UBE2G1: variants seen among roughly 807,000 people sequenced by gnomAD.
UBE2G1 encodes the protein ubiquitin-conjugating enzyme E2 G1.
UBE2G1 carries 5 observed loss-of-function variants against 22.7 expected under a neutral mutation model. The ratio of observed to expected loss-of-function variants is 0.22; its 90% CI spans 0.12 to 0.46. The LOEUF (loss-of-function observed/expected upper bound fraction) is 0.46. UBE2G1 is among the 20% of genes least tolerant of loss of function. UBE2G1 has a pLI of 0.99. For missense variants in UBE2G1, 88 were observed against 203.9 expected (o/e 0.43, Z 3.46); for synonymous variants, 74 against 67.5 (o/e 1.10, Z -0.47).
intron 1 of UBE2G1, among the ~76,000 whole-genome samples, chr17:4,324,849 G>GCA (rs1567523697): frequency 9.9e-5 from 15 of 152,130 alleles, no homozygotes; most frequent in African/African-American, 3.4e-4. Flanking sequence ...AGGCCAAGAT[G>GCA]GGCGGATCAC....
At chr17:4,289,445 C>T in intron 3 of UBE2G1, 37 bp from the exon 4 acceptor site, 2 of 1,469,630 alleles carry the variant, frequency 1.4e-6, no homozygotes, top group Non-Finnish European at 1.8e-6. Context: ...TCATATATTA[C>T]TAATTTGGTT....
intron 1 of UBE2G1, among the ~76,000 whole-genome samples, chr17:4,331,197 A>C (rs1969573496): frequency 6.6e-6 from 1 of 152,236 alleles, no homozygotes; most frequent in African/African-American, 2.4e-5. Flanking sequence ...AGTAATATTT[A>C]TGAAGAACCT....
At chr17:4,325,653 T>A (rs1172643150) in intron 1 of UBE2G1, among the ~76,000 whole-genome samples, 1 of 152,118 alleles carries the variant, frequency 6.6e-6, no homozygotes, top group African/African-American at 2.4e-5. Context: ...CACCCCAAAT[T>A]GCCGAAACAT....
intron 2 of UBE2G1, among the ~76,000 whole-genome samples, chr17:4,303,014 T>C (rs1969203208): frequency 6.6e-6 from 1 of 152,180 alleles, no homozygotes; most frequent in Non-Finnish European, 1.5e-5. Context: ...TCTTTTGAGA[T>C]TGTCTTCATT....
intron 1 of UBE2G1, among the ~76,000 whole-genome samples, chr17:4,364,009 A>G (rs1970000458): frequency 6.7e-6 from 1 of 150,038 alleles, no homozygotes; most frequent in East Asian, 2.0e-4. Flanking sequence ...TCACGCCTGT[A>G]ATCCCAATAC....
intron 2 of UBE2G1, among the ~76,000 whole-genome samples, chr17:4,300,090 T>TG (rs926110357): frequency 5.3e-5 from 8 of 150,638 alleles, no homozygotes; most frequent in African/African-American, 2.0e-4. Context: ...CTACCTGCTT[T>TG]TTTTTTTTGA....
At chr17:4,306,921 A>G in intron 2 of UBE2G1, 100 bp downstream of exon 2, 1 of 1,056,924 alleles carries the variant, frequency 9.5e-7, no homozygotes, top group Non-Finnish European at 1.4e-6. Flanking sequence ...AAGTGCTGGG[A>G]TTACAGGTGT....
chr17:4,362,041 A>C (rs1351680095), intron 1 of UBE2G1, among the ~76,000 whole-genome samples: 2 of 151,912 alleles, frequency 1.3e-5, no homozygotes, highest in Non-Finnish European at 2.9e-5. Flanking sequence ...GGGTGAAAAG[A>C]CTATGTTTTT....
intron 1 of UBE2G1, among the ~76,000 whole-genome samples, chr17:4,329,970 A>G (rs1472603639): frequency 6.6e-6 from 1 of 152,162 alleles, no homozygotes. Flanking sequence ...ATGACTCACC[A>G]GGAGAAAGCT....
At position 4,314,094 on chromosome 17, in the gene UBE2G1, T is replaced by C. The variant is rs574924820; in HGVS notation, c.47-6971A>G. Among the ~76,000 whole-genome samples the C allele has an allele frequency of 4.5e-4, 69 of 152,326 alleles. No individual in the cohort carries two copies. The South Asian group carries it at 0.014, about 32-fold the overall frequency. On this transcript the variant is annotated intron_variant, in intron 1 of 5. Transcript: ENST00000396981. ...AATGACATTGCTTTCAAATATATAG[T>C]TCTCAGATCTATCCACTGAAAAGGT... is the stretch of plus-strand genomic sequence containing the variant.
chr17:4,343,867 G>A (rs949963824), intron 1 of UBE2G1, among the ~76,000 whole-genome samples: 14 of 152,088 alleles, frequency 9.2e-5, no homozygotes, highest in African/African-American at 2.9e-4. Flanking sequence ...GATTACAGGC[G>A]TGAGCCACCG....
intron 1 of UBE2G1, among the ~76,000 whole-genome samples, chr17:4,345,133 C>T (rs1377860804): frequency 6.6e-6 from 1 of 152,142 alleles, no homozygotes; most frequent in Non-Finnish European, 1.5e-5. Flanking sequence ...ACCAAATGGG[C>T]AGCCAGAAAT....
At chr17:4,312,922 T>C (rs1205818695) in intron 1 of UBE2G1, among the ~76,000 whole-genome samples, 1 of 151,484 alleles carries the variant, frequency 6.6e-6, no homozygotes, top group Non-Finnish European at 1.5e-5. Context: ...CAACGCTGAG[T>C]GGACAAAGAG....
Position 4,366,458 on chromosome 17 carries a change from G to C in UBE2G1, c.-142C>G. 2 of 757,950 alleles carry C rather than the reference G, an allele frequency of 2.6e-6. No homozygotes were observed. Among genetic ancestry groups the C allele is most frequent in the Non-Finnish European group, 3.7e-6 (2 of 533,456 alleles). 47.0% of individuals were successfully genotyped at this position (757,950 alleles called of 1,614,324 possible). ...AGCCGAGGAAGGCCGGGCTGAGGCG[G>C]CGGGAGCGGCGCCTCGCTGCCGGTG... On this transcript the variant is annotated 5_prime_UTR_variant, in exon 1 of 6. Coordinates refer to ENST00000396981, the MANE Select transcript of UBE2G1 (RefSeq NM_003342.5).
At chr17:4,329,386 G>T (rs548672071) in intron 1 of UBE2G1, among the ~76,000 whole-genome samples, 2 of 151,158 alleles carry the variant, frequency 1.3e-5, no homozygotes, top group South Asian at 4.2e-4. Flanking sequence ...GTGACAGAGC[G>T]AGATTCTGTC....
intron 2 of UBE2G1, among the ~76,000 whole-genome samples, chr17:4,304,152 T>G (rs1251731044): frequency 6.6e-6 from 1 of 152,156 alleles, no homozygotes; most frequent in African/African-American, 2.4e-5. Flanking sequence ...TGCATCACCA[T>G]GCTTGACTTA....
rs1968751185 is a variant in UBE2G1 at position 4,270,923 on chromosome 17, C to T, written c.*1631G>A. 6.6e-6 allele frequency: 1 copy of T among 152,112 alleles called. No individual in the cohort carries two copies. Among genetic ancestry groups the T allele is most frequent in the African/African-American group, 2.4e-5 (1 of 41,426 alleles). 9.4% of individuals were successfully genotyped at this position (152,112 alleles called of 1,614,324 possible). On this transcript the variant is annotated 3_prime_UTR_variant, in exon 6 of 6. Transcript: ENST00000396981. ...GGCAGGAGTTCTTTCACTCTTCTGC[C>T]AAAGCATTTCTCCAAACCCCACAGA...
At chr17:4,297,123 TA>T (rs746923594) in intron 2 of UBE2G1, among the ~76,000 whole-genome samples, 1 of 152,192 alleles carries the variant, frequency 6.6e-6, no homozygotes, top group Non-Finnish European at 1.5e-5. Flanking sequence ...CCAGTGCACT[TA>T]AAACAAAATT....
intron 1 of UBE2G1, among the ~76,000 whole-genome samples, chr17:4,314,860 A>T (rs1969348192): frequency 6.6e-6 from 1 of 152,210 alleles, no homozygotes; most frequent in African/African-American, 2.4e-5. Flanking sequence ...AGCAAGATCT[A>T]CTCTGCAGGA....
Sources: gnomAD v4.1 joint callset for allele counts (sites outside exome capture counted in the v4.1 genomes callset) on GRCh38, gnomAD v4.1.1 for gene constraint, MANE v1.5 for transcripts, NCBI Gene and HGNC (gene_info 2026-07-23, HGNC 2026-07-21) for gene names.